The following LRBA variants were observed in gnomAD, a reference collection of about 807,000 sequenced individuals.
The protein encoded by LRBA is LPS responsive beige-like anchor protein, also known as lipopolysaccharide-responsive and beige-like anchor protein.
Under a neutral mutation model 330.0 loss-of-function variants are expected in LRBA, and 176 were observed. The ratio of observed to expected loss-of-function variants is 0.53; its 90% CI spans 0.47 to 0.60. The LOEUF (loss-of-function observed/expected upper bound fraction) is 0.60. Ranked by LOEUF, LRBA falls within the 20% of genes least tolerant of loss-of-function variation. The pLI, the probability that LRBA is intolerant of heterozygous loss-of-function variation, is 0.00. For synonymous variants in LRBA, 1,230 were observed against 1,193.0 expected (o/e 1.03, Z -0.64); for missense variants, 3,259 against 3,444.8 (o/e 0.95, Z 1.35).
intron 40 of LRBA, among the ~76,000 whole-genome samples, chr4:150,563,600 G>C (rs927878023): frequency 6.6e-6 from 1 of 152,144 alleles, no homozygotes; most frequent in Non-Finnish European, 1.5e-5. Context: ...AATTGTCTCT[G>C]TTTGCAGACG....
chr4:150,555,856 G>A (rs1767256110), intron 40 of LRBA, among the ~76,000 whole-genome samples: 1 of 151,916 alleles, frequency 6.6e-6, no homozygotes, highest in Admixed American at 6.6e-5. Flanking sequence ...AGGCTGGTGT[G>A]CAGTGGTGCA....
intron 47 of LRBA, among the ~76,000 whole-genome samples, chr4:150,400,440 A>G (rs2151926226): frequency 6.6e-6 from 1 of 152,324 alleles, no homozygotes; most frequent in African/African-American, 2.4e-5. Context: ...TTTTACTTTT[A>G]AAACGAATTT....
chr4:150,818,567 T>TGTGC (rs1376093670), intron 30 of LRBA, among the ~76,000 whole-genome samples: 3 of 149,398 alleles, frequency 2.0e-5, no homozygotes, highest in Admixed American at 6.7e-5. Context: ...TGTGTGTGCG[T>TGTGC]GCACGAATGT....
At chr4:150,867,994 A>G in intron 21 of LRBA, 131 bp from the exon 22 acceptor site, 2 of 917,410 alleles carry the variant, frequency 2.2e-6, no homozygotes, top group Non-Finnish European at 3.2e-6. Context: ...GTTATACATT[A>G]AGAACAATTC....
rs569179205 is a variant in LRBA at position 150,639,654 on chromosome 4, C to T, written c.5922-40523G>A. Reference sequence around the variant, plus strand: ...GAATAGTTCAATAATAATAATGGTCCTAGATCCTACATTACTTTAGAATGT... The same window carrying T: ...GAATAGTTCAATAATAATAATGGTCTTAGATCCTACATTACTTTAGAATGT... On this transcript the variant is annotated intron_variant, in intron 37 of 56. Coordinates refer to ENST00000651943, the MANE Select transcript of LRBA (RefSeq NM_001364905.1). Among the ~76,000 whole-genome samples the T allele has an allele frequency of 1.2e-4, 17 of 140,038 alleles. No homozygotes were observed. In the East Asian group the frequency reaches 3.5e-3, roughly 29 times the overall value. 91.9% of individuals were successfully genotyped at this position (140,038 alleles called of 152,430 possible).
chr4:150,268,084 A>G (rs1359036227), intron 56 of LRBA, among the ~76,000 whole-genome samples: 1 of 151,738 alleles, frequency 6.6e-6, no homozygotes, highest in Non-Finnish European at 1.5e-5. Context: ...AATGACTCAA[A>G]TTACTAAAAT....
chr4:150,372,533 C>G (rs966367605), intron 47 of LRBA, among the ~76,000 whole-genome samples: 1 of 135,278 alleles, frequency 7.4e-6, no homozygotes, highest in Non-Finnish European at 1.6e-5. Context: ...GCACTCCAGC[C>G]TGGGTGACAG....
At chr4:150,376,781 G>A (rs889488408) in intron 47 of LRBA, among the ~76,000 whole-genome samples, 8 of 152,086 alleles carry the variant, frequency 5.3e-5, no homozygotes, top group African/African-American at 9.7e-5. Flanking sequence ...AGATAACCCC[G>A]GGTGTTTTTG....
chr4:150,340,475 G>A (rs1011727388), intron 48 of LRBA, among the ~76,000 whole-genome samples: 10 of 152,076 alleles, frequency 6.6e-5, no homozygotes, highest in African/African-American at 2.4e-4. Context: ...GTTATTGTGT[G>A]TTCAATTTAA....
At chr4:150,476,637 T>C (rs929115975) in intron 42 of LRBA, among the ~76,000 whole-genome samples, 1 of 152,166 alleles carries the variant, frequency 6.6e-6, no homozygotes, top group Non-Finnish European at 1.5e-5. Flanking sequence ...TAACCCCTGA[T>C]ATGCATGTAT....
chr4:150,473,477 T>C (rs1253632372), intron 42 of LRBA, among the ~76,000 whole-genome samples: 1 of 152,196 alleles, frequency 6.6e-6, no homozygotes, highest in African/African-American at 2.4e-5. Context: ...GGCTTAGTAA[T>C]GCGGACTGCT....
chr4:150,303,508 C>T (rs1343759390), intron 52 of LRBA, among the ~76,000 whole-genome samples: 2 of 152,184 alleles, frequency 1.3e-5, no homozygotes, highest in Non-Finnish European at 2.9e-5. Context: ...GCTTCAAACA[C>T]AGAACAGTTG....
chr4:150,711,399 C>G (rs1425227439), intron 36 of LRBA, among the ~76,000 whole-genome samples: 1 of 152,084 alleles, frequency 6.6e-6, no homozygotes, highest in African/African-American at 2.4e-5. Flanking sequence ...CCACACCCAG[C>G]TAATTTTTTT....
intron 44 of LRBA, among the ~76,000 whole-genome samples, chr4:150,458,132 ACTT>A (rs1472746082): frequency 1.3e-5 from 2 of 151,878 alleles, no homozygotes; most frequent in African/African-American, 4.8e-5. Flanking sequence ...TCATTCAAAA[ACTT>A]CTATTAGAAG....
chr4:150,529,341 G>A (rs544391795), intron 40 of LRBA, among the ~76,000 whole-genome samples: 6 of 152,158 alleles, frequency 3.9e-5, no homozygotes, highest in Non-Finnish European at 8.8e-5. Flanking sequence ...AGGTATCCAA[G>A]TATTTTGTTA....
chr4:150,395,746 C>A (rs529053931), intron 47 of LRBA, among the ~76,000 whole-genome samples: 1 of 152,080 alleles, frequency 6.6e-6, no homozygotes, highest in Non-Finnish European at 1.5e-5. Flanking sequence ...AATGGCCATA[C>A]AAAAAATTCC....
intron 2 of LRBA, among the ~76,000 whole-genome samples, chr4:151,002,321 C>T (rs1333617526): frequency 6.6e-6 from 1 of 150,900 alleles, no homozygotes; most frequent in Non-Finnish European, 1.5e-5. Context: ...AATCCCAGCA[C>T]TTTGGAAGGC....
intron 38 of LRBA, among the ~76,000 whole-genome samples, chr4:150,596,800 A>C (rs1047011480): frequency 6.6e-6 from 1 of 151,562 alleles, no homozygotes; most frequent in African/African-American, 2.4e-5. Context: ...TATTAGCATA[A>C]ATTTTCTAAC....
chr4:150,547,278 C>G (rs1765962461), intron 40 of LRBA, among the ~76,000 whole-genome samples: 1 of 152,066 alleles, frequency 6.6e-6, no homozygotes, highest in African/African-American at 2.4e-5. Context: ...CCTTCCAACA[C>G]TATTACTCCC....
Sources: gnomAD v4.1 joint callset for allele counts (sites outside exome capture counted in the v4.1 genomes callset) on GRCh38, gnomAD v4.1.1 for gene constraint, MANE v1.5 for transcripts, NCBI Gene and HGNC (gene_info 2026-07-23, HGNC 2026-07-21) for gene names.